Variants in SLC9C2 observed in about 807,000 individuals in gnomAD.
SLC9C2 encodes the protein sodium/hydrogen exchanger 11.
SLC9C2 carries 75 observed loss-of-function variants against 140.2 expected under a neutral mutation model. The observed-to-expected ratio is 0.53, with a 90% CI of 0.44 to 0.65. The LOEUF (loss-of-function observed/expected upper bound fraction) is 0.65. Among genes scored for constraint, SLC9C2 ranks in the 30% least tolerant of loss-of-function variants. SLC9C2 has a pLI of 0.00. For synonymous variants in SLC9C2, 375 were observed against 420.9 expected (o/e 0.89, Z 1.34); for missense variants, 1,074 against 1,331.8 (o/e 0.81, Z 3.01).
chr1:173,518,906 G>GC (rs756165071), intron 22 of SLC9C2, among the ~76,000 whole-genome samples: 6 of 151,914 alleles, frequency 3.9e-5, no homozygotes, highest in South Asian at 4.2e-4. Flanking sequence ...TCTAAAGGAG[G>GC]CCCCCCCAAG....
chr1:173,576,503 C>T (rs893093379), intron 8 of SLC9C2, among the ~76,000 whole-genome samples, 158 bp downstream of exon 8: 2 of 152,116 alleles, frequency 1.3e-5, no homozygotes, highest in Non-Finnish European at 2.9e-5. Flanking sequence ...TAATTGTTGG[C>T]ACCTTAAATT....
chr1:173,519,961 G>A, intron 22 of SLC9C2, among the ~76,000 whole-genome samples: 1 of 152,090 alleles, frequency 6.6e-6, no homozygotes. Context: ...CCAGCCTAGG[G>A]AAATCCCGTC....
At chr1:173,540,019 C>T (rs555001819) in intron 13 of SLC9C2, among the ~76,000 whole-genome samples, 1 of 152,240 alleles carries the variant, frequency 6.6e-6, no homozygotes, top group East Asian at 1.9e-4. Context: ...TTGTGATTTG[C>T]TTTGACTAAT....
chr1:173,521,285 A>T lies in SLC9C2; in HGVS notation c.2739+16T>A. On this transcript the variant is annotated intron_variant, in intron 22 of 27. Coordinates refer to ENST00000367714, the MANE Select transcript of SLC9C2 (RefSeq NM_178527.4). Reference sequence around the variant, plus strand: ...ATTTTAAGTAAAAAAAAAAAAAAAAATCAATAGTCCCTTACAATTGCCATT... The same window carrying T: ...ATTTTAAGTAAAAAAAAAAAAAAAATTCAATAGTCCCTTACAATTGCCATT... 1 of 1,340,836 alleles carries T rather than the reference A, an allele frequency of 7.5e-7. No individual in the cohort carries two copies. 83.1% of individuals were successfully genotyped at this position (1,340,836 alleles called of 1,614,324 possible).
chr1:173,586,907 G>A lies in SLC9C2; in HGVS notation c.523+758C>T, dbSNP rs1412523218. ...GGTGGAGGTGAGGGGAGTGAGCTTA[G>A]AGTACAGGTCAATAGGTGCAGCAAA... On this transcript the variant is annotated intron_variant, in intron 5 of 27. Transcript: ENST00000367714. Among the ~76,000 whole-genome samples, 5 of 152,108 alleles carry A rather than the reference G, an allele frequency of 3.3e-5. No homozygotes were observed. In the East Asian group the frequency reaches 9.7e-4, roughly 29 times the overall value.
intron 22 of SLC9C2, among the ~76,000 whole-genome samples, chr1:173,519,062 C>T (rs1660620990): frequency 6.6e-6 from 1 of 152,052 alleles, no homozygotes; most frequent in Admixed American, 6.6e-5. Context: ...AAAAGATCTA[C>T]AAAGTCCCTT....
At chr1:173,585,787 C>G (rs1329923843) in intron 5 of SLC9C2, among the ~76,000 whole-genome samples, 1 of 151,852 alleles carries the variant, frequency 6.6e-6, no homozygotes, top group East Asian at 1.9e-4. Flanking sequence ...GCCAACATGG[C>G]AAAACCCCCT....
chr1:173,549,749 T>G (rs1663120585), intron 11 of SLC9C2, among the ~76,000 whole-genome samples: 1 of 152,178 alleles, frequency 6.6e-6, no homozygotes, highest in African/African-American at 2.4e-5. Context: ...ATAAAGTACT[T>G]GCTATACAAT....
intron 13 of SLC9C2, among the ~76,000 whole-genome samples, chr1:173,540,045 G>C (rs1029096280): frequency 1.3e-5 from 2 of 152,194 alleles, no homozygotes; most frequent in South Asian, 2.1e-4. Context: ...GGGGGTAAAA[G>C]TGACATTGTT....
At chr1:173,599,362 ATTT>A (rs61579339) in intron 3 of SLC9C2, among the ~76,000 whole-genome samples, 2 of 68,126 alleles carry the variant, frequency 2.9e-5, no homozygotes, top group African/African-American at 9.5e-5. Context: ...ATTTTCCTTG[ATTT>A]TTTTTTTTTT....
At chr1:173,502,871 G>A (rs141631831) in intron 27 of SLC9C2, among the ~76,000 whole-genome samples, 44 of 152,294 alleles carry the variant, frequency 2.9e-4, no homozygotes, top group African/African-American at 9.6e-4. Flanking sequence ...TGATCAGCCT[G>A]TGACTCCACA....
chr1:173,591,748 C>A (rs951262096), intron 4 of SLC9C2, among the ~76,000 whole-genome samples: 12 of 152,116 alleles, frequency 7.9e-5, no homozygotes, highest in African/African-American at 2.9e-4. Flanking sequence ...TGTCTAAATT[C>A]CTTATAGATG....
At chr1:173,579,690 A>T (rs1180376431) in intron 7 of SLC9C2, among the ~76,000 whole-genome samples, 1 of 152,216 alleles carries the variant, frequency 6.6e-6, no homozygotes, top group Non-Finnish European at 1.5e-5. Context: ...ATAATGCTCA[A>T]ATATATTTTT....
intron 21 of SLC9C2, among the ~76,000 whole-genome samples, chr1:173,523,633 C>A (rs921474057): frequency 6.6e-6 from 1 of 152,204 alleles, no homozygotes; most frequent in African/African-American, 2.4e-5. Flanking sequence ...CCGGTCTGTG[C>A]AGTAACTTAA....
Position 173,524,785 on chromosome 1 carries a change from T to TAA in SLC9C2, c.2507_2508insTT (p.Asn837Ter). 1 of 1,613,912 alleles carries TAA rather than the reference T, an allele frequency of 6.2e-7. No individual in the cohort carries two copies. The highest frequency in any genetic ancestry group is 8.5e-7 in the Non-Finnish European group (1 of 1,179,834). On this transcript the variant is annotated frameshift_variant, in exon 20 of 28. Coordinates refer to ENST00000367714, the MANE Select transcript of SLC9C2 (RefSeq NM_178527.4). LOFTEE classifies it high-confidence loss of function. ...CAGAATCAAGCAAAATTACCTTATT[T>TAA]ATCTCAATGACTTCATGCTTATCAA... is the stretch of plus-strand genomic sequence containing the variant.
intron 9 of SLC9C2, among the ~76,000 whole-genome samples, chr1:173,567,607 T>G (rs1664559202): frequency 1.3e-5 from 2 of 152,086 alleles, no homozygotes; most frequent in African/African-American, 2.4e-5. Flanking sequence ...TTTTTATTAT[T>G]AATTCATCCA....
intron 22 of SLC9C2, among the ~76,000 whole-genome samples, chr1:173,520,840 A>G (rs562541876): frequency 1.3e-4 from 20 of 152,288 alleles, no homozygotes; most frequent in African/African-American, 4.8e-4. Flanking sequence ...CACGCATGAA[A>G]CCAGCTACTA....
At chr1:173,517,512 A>ACTC in intron 23 of SLC9C2, 25 bp downstream of exon 23, 1 of 1,566,242 alleles carries the variant, frequency 6.4e-7, no homozygotes, top group Non-Finnish European at 8.6e-7. Flanking sequence ...ATAATTAATA[A>ACTC]CTCATGACAG....
intron 8 of SLC9C2, 103 bp from the exon 9 acceptor site, chr1:173,573,428 G>T: frequency 1.2e-6 from 1 of 853,706 alleles, no homozygotes; most frequent in Non-Finnish European, 1.7e-6. Flanking sequence ...TGCTGTCTTA[G>T]CAGAGGCCCT....
Sources: gnomAD v4.1 joint callset for allele counts (sites outside exome capture counted in the v4.1 genomes callset) on GRCh38, gnomAD v4.1.1 for gene constraint, MANE v1.5 for transcripts, NCBI Gene and HGNC (gene_info 2026-07-23, HGNC 2026-07-21) for gene names.